Variants in KLK7 observed in about 807,000 individuals in gnomAD.
The protein encoded by KLK7 is kallikrein-7.
Under a neutral mutation model 21.0 loss-of-function variants are expected in KLK7, and 17 were observed. That is an observed-to-expected ratio of 0.81 (90% CI 0.55 to 1.21). The LOEUF is 1.21. KLK7 is among the 50% of genes most tolerant of loss of function. The pLI, the probability that KLK7 is intolerant of heterozygous loss-of-function variation, is 0.00. For synonymous variants in KLK7, 151 were observed against 134.6 expected (o/e 1.12, Z -0.85); for missense variants, 330 against 322.8 (o/e 1.02, Z -0.17).
chr19:50,979,848 G>A lies in KLK7; in HGVS notation c.546C>T (p.Asp182=). ...CGCACAGCATGGAATTTTCCAGTAA[G>A]TCCTTGTAAACCTTCGTGCAGTCCT... ...SPQDCTKVYK[D]LLENSMLCAG... Residue 182 remains aspartate (D), a synonymous_variant, in exon 5 of 6, where the codon GAC becomes GAT. Transcript: ENST00000595820. The A allele has an allele frequency of 2.5e-6, 4 of 1,583,820 alleles. No individual in the cohort carries two copies. The highest frequency in any genetic ancestry group is 3.4e-6 in the Non-Finnish European group (4 of 1,164,330).
chr19:50,977,737 C>T, intron 5 of KLK7, 46 bp from the exon 6 acceptor site: 3 of 1,584,782 alleles, frequency 1.9e-6, no homozygotes, highest in South Asian at 1.1e-5. Context: ...CAGATCAAAG[C>T]CCAACTCATT....
Position 50,982,315 on chromosome 19 carries a change from T to C in KLK7, c.73+12A>G. 1 of 1,608,232 alleles carries C rather than the reference T, an allele frequency of 6.2e-7. No homozygotes were observed. On this transcript the variant is annotated intron_variant, in intron 2 of 5. Transcript: ENST00000595820. The stretch of plus-strand genomic sequence containing the variant: ...CCTGAGGTGAGGTCAGACTTCCCAG[T>C]CCAGCTTTCACCTTCTTCTCCTGCA...
intron 5 of KLK7, 110 bp downstream of exon 5, chr19:50,979,678 G>T (rs939345977): frequency 1.2e-5 from 13 of 1,093,742 alleles, no homozygotes; most frequent in Non-Finnish European, 6.6e-6. Flanking sequence ...CCAGGCCTGG[G>T]GGGAGGGCAA....
chr19:50,981,008 G>A (rs557262889), intron 3 of KLK7, among the ~76,000 whole-genome samples: 5 of 140,416 alleles, frequency 3.6e-5, no homozygotes, highest in Non-Finnish European at 6.0e-5. Flanking sequence ...GAGCCCCAGG[G>A]AGAGGGGGAC....
In KLK7 at chr19:50,979,881, G is replaced by A. The variant is rs1246762859; in HGVS notation, c.513C>T (p.Ile171=). 3 of 1,592,438 alleles carry A rather than the reference G, an allele frequency of 1.9e-6. No homozygotes were observed. The East Asian group carries it at 6.8e-5, about 36-fold the overall frequency. ...SDLMCVDVKL[I]SPQDCTKVYK... ...AAACCTTCGTGCAGTCCTGGGGGGA[G>A]ATGAGCTTGACATCCACGCACATGA... is the stretch of plus-strand genomic sequence containing the variant. The change falls in exon 5 of 6, where the codon ATC becomes ATT. Residue 171 remains isoleucine, a synonymous_variant. Transcript: ENST00000595820.
At chr19:50,983,731 C>G in intron 1 of KLK7, 120 bp downstream of exon 1, 1 of 1,209,474 alleles carries the variant, frequency 8.3e-7, no homozygotes, top group Non-Finnish European at 1.1e-6. Flanking sequence ...ACTTCCAGGC[C>G]CTCACTGCTC....
upstream of KLK7, chr19:50,983,966 G>T (rs1426730150): frequency 7.8e-7 from 1 of 1,276,890 alleles, no homozygotes; most frequent in Admixed American, 2.3e-5. Context: ...CCCATGCCCG[G>T]CCCCAGCGCC....
At chr19:50,980,156 G>C in intron 4 of KLK7, 84 bp downstream of exon 4, 1 of 1,456,324 alleles carries the variant, frequency 6.9e-7, no homozygotes, top group Non-Finnish European at 9.4e-7. Flanking sequence ...CTGGGTCTGA[G>C]GGAGGAGGGG....
rs1046018693 is a variant in KLK7 at position 50,983,867 on chromosome 19, G to A, written c.-75C>T. 3.9e-6 allele frequency: 5 copies of A among 1,289,118 alleles called. No homozygotes were observed. The highest frequency in any genetic ancestry group is 5.1e-6 in the Non-Finnish European group (5 of 988,760). 79.9% of individuals were successfully genotyped at this position (1,289,118 alleles called of 1,614,324 possible). On this transcript the variant is annotated 5_prime_UTR_variant, in exon 1 of 6. Coordinates refer to ENST00000595820, the MANE Select transcript of KLK7 (RefSeq NM_005046.4). ...TCTTCTCACCTCGAGAGGATCTGAT[G>A]TGATCCAAGTTCCGACTTGGGCTGG... is the stretch of plus-strand genomic sequence containing the variant.
chr19:50,980,854 AG>A (rs1487197235), intron 3 of KLK7, among the ~76,000 whole-genome samples: 1 of 137,216 alleles, frequency 7.3e-6, no homozygotes, highest in Non-Finnish European at 1.5e-5. Context: ...CCAGAGAGAG[AG>A]GGGGACAGAG....
intron 5 of KLK7, 34 bp from the exon 6 acceptor site, chr19:50,977,725 T>A (rs777493571): frequency 6.2e-7 from 1 of 1,604,832 alleles, no homozygotes; most frequent in South Asian, 1.1e-5. Context: ...TAACTTTGGC[T>A]TCAGATCAAA....
chr19:50,981,735 G>C (rs759679638), intron 3 of KLK7, 32 bp downstream of exon 3: 5 of 1,536,660 alleles, frequency 3.3e-6, no homozygotes, highest in Middle Eastern at 1.9e-4. Flanking sequence ...AGACGCTGGT[G>C]CACCTCCAGC....
chr19:50,980,037 C>T, intron 4 of KLK7, 113 bp from the exon 5 acceptor site: 4 of 1,342,944 alleles, frequency 3.0e-6, no homozygotes, highest in Non-Finnish European at 4.0e-6. Flanking sequence ...CCCAGGACTG[C>T]TGGGTCTGAG....
chr19:50,980,627 CCCAGAGAGAGGGGAACAGAGAT>C (rs2091071843), intron 3 of KLK7, 140 bp from the exon 4 acceptor site: 3 of 952,234 alleles, frequency 3.2e-6, no homozygotes, highest in African/African-American at 1.8e-5. Flanking sequence ...GAGACAGAGA[CCCAGAGAGAGGGGAACAGAGAT>C]CCAGAGAGAG....
rs780426520 is a variant in KLK7 at position 50,980,403 on chromosome 19, G to A, written c.306C>T (p.Pro102=). ...RIKASKSFRH[P]GYSTQTHVND... ...TAACATGGGTCTGTGTGGAGTAGCC[G>A]GGGTGGCGGAATGACTTCGAGGCCT... is the stretch of plus-strand genomic sequence containing the variant. Residue 102 remains proline (P), a synonymous_variant, in exon 4 of 6, where the codon CCC becomes CCT. Coordinates refer to ENST00000595820, the MANE Select transcript of KLK7 (RefSeq NM_005046.4). 12 of 1,613,926 alleles carry A rather than the reference G, an allele frequency of 7.4e-6. No individual in the cohort carries two copies. The highest frequency in any genetic ancestry group is 2.7e-5 in the African/African-American group (2 of 74,880).
intron 3 of KLK7, among the ~76,000 whole-genome samples, chr19:50,980,994 G>GT (rs2122256220): frequency 1.4e-5 from 2 of 144,908 alleles, no homozygotes; most frequent in South Asian, 2.3e-4. Flanking sequence ...GAGAGAGGGG[G>GT]ACAGAGCCCC....
Position 50,980,254 on chromosome 19 carries a change from GTA to G in KLK7, c.453_454del (p.Thr152HisfsTer10). ...AGGCCACCTACCATCTGGGCTCGTGGTAGTGCCCCAGCCGGAGACAGTACAGG... is the reference window on the plus strand; with the variant it reads ...AGGCCACCTACCATCTGGGCTCGTGGGTGCCCCAGCCGGAGACAGTACAGG... On this transcript the variant is annotated frameshift_variant, in exon 4 of 6. Coordinates refer to ENST00000595820, the MANE Select transcript of KLK7 (RefSeq NM_005046.4). LOFTEE classifies it high-confidence loss of function. 6.2e-7 allele frequency: 1 copy of G among 1,613,916 alleles called. No individual in the cohort carries two copies. Among genetic ancestry groups the G allele is most frequent in the South Asian group, 1.1e-5 (1 of 91,084 alleles).
rs763272418 is a variant in KLK7, at chr19:50,979,889, T to A, written c.505A>T (p.Lys169Ter). The change falls in exon 5 of 6, where the codon AAG becomes TAG. Residue 169 changes from lysine to a stop codon, truncating the protein, a stop_gained. Coordinates refer to ENST00000595820, the MANE Select transcript of KLK7 (RefSeq NM_005046.4). LOFTEE classifies it high-confidence loss of function. ...FPSDLMCVDV[K>*]LISPQDCTKV... ...GTGCAGTCCTGGGGGGAGATGAGCT[T>A]GACATCCACGCACATGAGGTCAGAG... 1 of 1,594,094 alleles carries A rather than the reference T, an allele frequency of 6.3e-7. No individual in the cohort carries two copies. Among genetic ancestry groups the A allele is most frequent in the South Asian group, 1.1e-5 (1 of 87,396 alleles).
At position 50,980,247 on chromosome 19, in the gene KLK7, G is replaced by A; in HGVS notation, c.462C>T (p.Ser154=). The change falls in exon 4 of 6, where the codon AGC becomes AGT. Residue 154 remains serine, a synonymous_variant. Transcript: ENST00000595820. The part of the protein sequence containing the change: ...CTVSGWGTTT[S]PDVTFPSDLM... ...GTCACTGAGGCCACCTACCATCTGGGCTCGTGGTAGTGCCCCAGCCGGAGA... is the reference window on the plus strand; with the variant it reads ...GTCACTGAGGCCACCTACCATCTGGACTCGTGGTAGTGCCCCAGCCGGAGA... The A allele has an allele frequency of 6.2e-7, 1 of 1,613,834 alleles. No individual in the cohort carries two copies. The highest frequency in any genetic ancestry group is 8.5e-7 in the Non-Finnish European group (1 of 1,179,922).
Sources: gnomAD v4.1 joint callset for allele counts (sites outside exome capture counted in the v4.1 genomes callset) on GRCh38, gnomAD v4.1.1 for gene constraint, MANE v1.5 for transcripts, NCBI Gene and HGNC (gene_info 2026-07-23, HGNC 2026-07-21) for gene names.